The following CFAP119 variants were observed in gnomAD, a reference collection of about 807,000 sequenced individuals.
CFAP119 encodes the protein cilia- and flagella-associated protein 119.
At chr16:30,761,765 G>T in the CFAP119 span, 2 of 1,508,700 alleles carry the variant, frequency 1.3e-6, no homozygotes, top group Non-Finnish European at 1.8e-6. Flanking sequence ...GCTCTTCCGT[G>T]CCGCGAGGCG....
the CFAP119 span, chr16:30,761,264 C>T: frequency 2.5e-6 from 4 of 1,613,456 alleles, no homozygotes; most frequent in Admixed American, 1.7e-5. Context: ...AAGGCAGCTG[C>T]GGTGTCCTGG....
the CFAP119 span, chr16:30,757,506 A>C: frequency 6.2e-7 from 1 of 1,614,014 alleles, no homozygotes; most frequent in Non-Finnish European, 8.5e-7. Context: ...CTTTACCCGG[A>C]GGTAGCTGGA....
At chr16:30,761,562 C>T in the CFAP119 span, 3 of 1,536,164 alleles carry the variant, frequency 2.0e-6, no homozygotes, top group Non-Finnish European at 2.6e-6. Context: ...AAGTTGGCTC[C>T]GGGGTCTTCA....
At chr16:30,759,569 G>T in the CFAP119 span, 1 of 1,614,122 alleles carries the variant, frequency 6.2e-7, no homozygotes, top group Non-Finnish European at 8.5e-7. Context: ...TTCACAAGAA[G>T]ATAAGGGTGA....
At chr16:30,759,516 TCCAAA>T in the CFAP119 span, 5 of 1,614,180 alleles carry the variant, frequency 3.1e-6, no homozygotes, top group Admixed American at 3.3e-5. Context: ...TGGCTTTGCC[TCCAAA>T]AGCCCAGCAA....
the CFAP119 span, chr16:30,758,797 C>T: frequency 2.8e-5 from 21 of 759,200 alleles, no homozygotes; most frequent in Admixed American, 1.2e-4. Context: ...TCAGGCAATC[C>T]GCCTGCCTCA....
the CFAP119 span, chr16:30,761,763 G>A: frequency 1.3e-6 from 2 of 1,510,744 alleles, no homozygotes; most frequent in Non-Finnish European, 1.8e-6. Flanking sequence ...CCGCTCTTCC[G>A]TGCCGCGAGG....
At chr16:30,760,078 G>A in the CFAP119 span, 7 of 1,535,746 alleles carry the variant, frequency 4.6e-6, no homozygotes, top group South Asian at 7.1e-5. Flanking sequence ...TTATTTCTCA[G>A]AACAGTCCTG....
chr16:30,758,182 C>T, the CFAP119 span: 2 of 151,900 alleles, frequency 1.3e-5, no homozygotes, highest in South Asian at 2.0e-4. Context: ...ATGCCATTCT[C>T]CTGCCTCAGC....
chr16:30,760,553 C>T, the CFAP119 span: 1 of 1,589,284 alleles, frequency 6.3e-7, no homozygotes, highest in Non-Finnish European at 8.6e-7. Context: ...TTTTCCCAAC[C>T]TGACCCCTCA....
At chr16:30,760,275 C>G in the CFAP119 span, 49 of 1,614,044 alleles carry the variant, frequency 3.0e-5, no homozygotes, top group Non-Finnish European at 4.1e-5. Flanking sequence ...GGTAGCTGCC[C>G]CCTCTCACCA....
chr16:30,757,695 C>T, the CFAP119 span: 1 of 1,570,882 alleles, frequency 6.4e-7, no homozygotes, highest in East Asian at 2.3e-5. Context: ...AGGAGAGATG[C>T]TGTCTGGCAA....
At chr16:30,761,196 A>G in the CFAP119 span, 7 of 1,613,944 alleles carry the variant, frequency 4.3e-6, no homozygotes, top group Non-Finnish European at 5.9e-6. Context: ...CTTCACACTC[A>G]CCACATGCAG....
chr16:30,761,697 G>C, the CFAP119 span: 1 of 1,534,916 alleles, frequency 6.5e-7, no homozygotes, highest in Non-Finnish European at 8.7e-7. Context: ...AGATGTTCAA[G>C]CTCCGACTGC....
chr16:30,760,056 T>G, the CFAP119 span: 1 of 1,528,554 alleles, frequency 6.5e-7, no homozygotes. Context: ...ACTATGCATA[T>G]ATTTGCATAT....
the CFAP119 span, chr16:30,759,144 C>G: frequency 3.7e-6 from 6 of 1,614,156 alleles, no homozygotes; most frequent in Non-Finnish European, 5.1e-6. Flanking sequence ...CCAGGCCTGG[C>G]CCAGCCCAGC....
chr16:30,760,743 A>G, the CFAP119 span: 1 of 1,388,904 alleles, frequency 7.2e-7, no homozygotes, highest in Non-Finnish European at 1.0e-6. Flanking sequence ...AGTGCGTGAG[A>G]CTGGGAGTTG....
chr16:30,759,349 G>A, the CFAP119 span: 1 of 1,613,880 alleles, frequency 6.2e-7, no homozygotes, highest in Non-Finnish European at 8.5e-7. Flanking sequence ...TACCTGGGGT[G>A]TGAAGACGTA....
At chr16:30,758,770 G>A in the CFAP119 span, 2 of 594,068 alleles carry the variant, frequency 3.4e-6, no homozygotes, top group Non-Finnish European at 5.7e-6. Context: ...GCCCAGGCTG[G>A]TCGCGAACTC....
Sources: gnomAD v4.1 joint callset for allele counts on GRCh38, gnomAD v4.1.1 for gene constraint, MANE v1.5 for transcripts, NCBI Gene and HGNC (gene_info 2026-07-23, HGNC 2026-07-21) for gene names.